The following AIG1 variants were observed in gnomAD, a reference collection of about 807,000 sequenced individuals.
The protein encoded by AIG1 is androgen-induced gene 1 protein.
A neutral mutation model predicts 31.4 loss-of-function variants in AIG1; 23 were observed. The observed-to-expected ratio is 0.73, with a 90% confidence interval of 0.53 to 1.04. The LOEUF (loss-of-function observed/expected upper bound fraction) is 1.04. Ranked by LOEUF, AIG1 falls within the 50% of genes least tolerant of loss-of-function variation. The pLI, the probability that AIG1 is intolerant of heterozygous loss-of-function variation, is 0.00. For synonymous variants in AIG1, 100 were observed against 110.5 expected, an observed-to-expected ratio of 0.90 and a Z score of 0.60; for missense variants, 274 against 295.0, an observed-to-expected ratio of 0.93 and a Z score of 0.52.
At chr6:143,167,590 T>C (rs974758184) in intron 3 of AIG1, among the ~76,000 whole-genome samples, 10 of 152,202 alleles carry the variant, frequency 6.6e-5, no homozygotes, top group African/African-American at 2.2e-4. Context: ...TTTAATGTTT[T>C]GAACAAATGG....
chr6:143,231,678 A>T (rs1793458888), intron 3 of AIG1, among the ~76,000 whole-genome samples: 1 of 152,248 alleles, frequency 6.6e-6, no homozygotes, highest in Non-Finnish European at 1.5e-5. Flanking sequence ...AAATGTTACC[A>T]TCTAACAGAT....
intron 5 of AIG1, among the ~76,000 whole-genome samples, chr6:143,336,790 A>T (rs536568199): frequency 2.0e-5 from 3 of 152,364 alleles, no homozygotes; most frequent in African/African-American, 7.2e-5. Context: ...GGTATGAGTC[A>T]TCCTGAAGCA....
chr6:143,134,224 G>T (rs552358487), intron 1 of AIG1, among the ~76,000 whole-genome samples: 4 of 152,050 alleles, frequency 2.6e-5, no homozygotes, highest in East Asian at 3.9e-4. Context: ...GAAGCCCTGT[G>T]CAGATAATAT....
intron 3 of AIG1, among the ~76,000 whole-genome samples, chr6:143,178,185 G>A (rs1228802438): frequency 6.6e-6 from 1 of 152,172 alleles, no homozygotes; most frequent in Non-Finnish European, 1.5e-5. Flanking sequence ...GAAATACTGT[G>A]TGTGCTCAGA....
At chr6:143,314,962 G>A (rs768555341) in intron 4 of AIG1, among the ~76,000 whole-genome samples, 3 of 152,032 alleles carry the variant, frequency 2.0e-5, no homozygotes, top group African/African-American at 4.8e-5. Context: ...AACTGGATTC[G>A]TCAAATGAAT....
At chr6:143,240,735 T>C (rs1171384728) in intron 3 of AIG1, among the ~76,000 whole-genome samples, 6 of 152,178 alleles carry the variant, frequency 3.9e-5, no homozygotes, top group Admixed American at 3.3e-4. Context: ...AAAAATAAAT[T>C]TTTTAAAAAA....
rs1776542354 is a variant in AIG1 at position 143,325,569 on chromosome 6, T to C, written c.516-7713T>C. 6.6e-6 allele frequency among the ~76,000 whole-genome samples: 1 copy of C among 152,192 alleles called. No individual in the cohort carries two copies. The highest frequency in any genetic ancestry group is 1.5e-5 in the Non-Finnish European group (1 of 68,034). ...CCCTCTCTCAGGAAATGGCAGCTGT[T>C]TCCACCCTGCTAATCAAGCCAGGAA... On this transcript the variant is annotated intron_variant, in intron 4 of 5. Transcript: ENST00000357847. This position sits in a 1 kb window ranked among gnomAD's most constrained non-coding sequence, Gnocchi z 4.3.
chr6:143,202,350 C>G (rs563688403), intron 3 of AIG1, among the ~76,000 whole-genome samples: 1 of 152,078 alleles, frequency 6.6e-6, no homozygotes, highest in East Asian at 1.9e-4. Flanking sequence ...GACAGCTAAT[C>G]ACAAAAAAAC....
rs938482637 is a variant in AIG1 at position 143,280,442 on chromosome 6, C to T, written c.400-3668C>T. 3.9e-5 allele frequency among the ~76,000 whole-genome samples: 6 copies of T among 152,186 alleles called. No individual in the cohort carries two copies. The highest frequency in any genetic ancestry group is 1.4e-4 in the African/African-American group (6 of 41,436). On this transcript the variant is annotated intron_variant, in intron 3 of 5. Coordinates refer to ENST00000357847, the MANE Select transcript of AIG1 (RefSeq NM_016108.4). The surrounding 1 kb of genome is among the most constrained non-coding windows in gnomAD (Gnocchi z 4.1). ...TGCACAAATGTTCATTGCAGCACCA[C>T]TCACAATAGCGAAAACATGGAATCA...
At chr6:143,234,463 C>T (rs951173602) in intron 3 of AIG1, among the ~76,000 whole-genome samples, 2 of 152,200 alleles carry the variant, frequency 1.3e-5, no homozygotes, top group Non-Finnish European at 2.9e-5. Context: ...CTTCAGAGTT[C>T]CCCCACCTGG....
chr6:143,149,395 C>T (rs1169277996), intron 2 of AIG1, among the ~76,000 whole-genome samples: 3 of 151,578 alleles, frequency 2.0e-5, no homozygotes, highest in Non-Finnish European at 2.9e-5. Flanking sequence ...GGCGTGGTGG[C>T]GGGTGCCTGT....
At chr6:143,302,531 A>G (rs985310054) in intron 4 of AIG1, among the ~76,000 whole-genome samples, 6 of 152,182 alleles carry the variant, frequency 3.9e-5, no homozygotes, top group African/African-American at 1.4e-4. Flanking sequence ...AATTTCATCC[A>G]TGTCCCTACA....
chr6:143,133,011 A>G (rs1044081448), intron 1 of AIG1, among the ~76,000 whole-genome samples: 1 of 151,738 alleles, frequency 6.6e-6, no homozygotes, highest in African/African-American at 2.4e-5. Context: ...ACCAATTCCA[A>G]TATTTCTGTT....
chr6:143,297,932 G>A lies in AIG1; in HGVS notation c.515+13707G>A, dbSNP rs187034525. Among the ~76,000 whole-genome samples, 1 of 152,046 alleles carries A rather than the reference G, an allele frequency of 6.6e-6. No homozygotes were observed. Among genetic ancestry groups the A allele is most frequent in the Admixed American group, 6.6e-5 (1 of 15,262 alleles). ...TCACGCAACAGTAGAAAAACAAGAT[G>A]TGTAAGTCACCCATAAAGCTGAGAA... On this transcript the variant is annotated intron_variant, in intron 4 of 5. Transcript: ENST00000357847. This position sits in a 1 kb window ranked among gnomAD's most constrained non-coding sequence, Gnocchi z 5.1.
chr6:143,181,022 A>G (rs1788668292), intron 3 of AIG1, among the ~76,000 whole-genome samples: 1 of 152,210 alleles, frequency 6.6e-6, no homozygotes, highest in Non-Finnish European at 1.5e-5. Context: ...CTTTTGGTAG[A>G]TAGCATGACT....
At chr6:143,162,323 G>A (rs2128560361) in intron 2 of AIG1, among the ~76,000 whole-genome samples, 1 of 152,286 alleles carries the variant, frequency 6.6e-6, no homozygotes, top group South Asian at 2.1e-4. Context: ...ATTCAATATT[G>A]TTAAAATGTT....
intron 3 of AIG1, among the ~76,000 whole-genome samples, chr6:143,195,633 A>T (rs150321447): frequency 6.6e-6 from 1 of 150,954 alleles, no homozygotes; most frequent in African/African-American, 2.4e-5. Flanking sequence ...CTGAGGGAGC[A>T]CGGGGGAGGA....
At chr6:143,123,581 T>C (rs1782415584) in intron 1 of AIG1, among the ~76,000 whole-genome samples, 1 of 152,208 alleles carries the variant, frequency 6.6e-6, no homozygotes, top group Non-Finnish European at 1.5e-5. Context: ...TTTTCAACAT[T>C]ATGCCCGTGC....
At chr6:143,096,562 A>G (rs1040876824) in intron 1 of AIG1, among the ~76,000 whole-genome samples, 3 of 152,250 alleles carry the variant, frequency 2.0e-5, no homozygotes, top group Non-Finnish European at 2.9e-5. Flanking sequence ...TTGCGGTTTT[A>G]AATAGCAGAA....
Sources: allele counts gnomAD v4.1 joint callset (sites outside exome capture counted in the v4.1 genomes callset), GRCh38; gene constraint gnomAD v4.1.1; non-coding constraint Gnocchi (gnomAD v3.1); transcripts MANE v1.5; gene names NCBI Gene and HGNC (gene_info 2026-07-23, HGNC 2026-07-21).